FAM13A: variants seen among roughly 807,000 people sequenced by gnomAD.
FAM13A encodes the protein protein FAM13A.
Under a neutral mutation model 129.6 loss-of-function variants are expected in FAM13A, and 76 were observed. The ratio of observed to expected loss-of-function variants is 0.59; its 90% confidence interval spans 0.49 to 0.71. The LOEUF (loss-of-function observed/expected upper bound fraction) is 0.71. Ranked by LOEUF, FAM13A falls within the 30% of genes least tolerant of loss-of-function variation. FAM13A has a pLI of 0.00. For missense variants in FAM13A, 1,108 were observed against 1,249.3 expected, an observed-to-expected ratio of 0.89 and a Z score of 1.70; for synonymous variants, 443 against 449.9, an observed-to-expected ratio of 0.98 and a Z score of 0.20.
chr4:88,758,834 G>T lies in FAM13A; in HGVS notation c.1646C>A (p.Ala549Asp), dbSNP rs1744230025. ...GACAAAGCTCTCCTCCTGGTCACCG[G>T]CATCTTGATTTCTCTGCTGTTTGGT... ...SDTKQQRNQDAGDQEESFVSE... is the reference protein window; with the variant it reads ...SDTKQQRNQDDGDQEESFVSE... The change falls in exon 14 of 24, where the codon GCC becomes GAC. Residue 549 changes from alanine to aspartate, a missense_variant. Physicochemically the swap from Ala to Asp is moderately radical, Grantham distance 126 (BLOSUM62 -2). Transcript: ENST00000264344. 1 of 1,613,818 alleles carries T rather than the reference G, an allele frequency of 6.2e-7. No individual in the cohort carries two copies. Among genetic ancestry groups the T allele is most frequent in the Admixed American group, 1.7e-5 (1 of 59,990 alleles).
intron 21 of FAM13A, among the ~76,000 whole-genome samples, chr4:88,736,819 C>T (rs1431019888): frequency 6.6e-6 from 1 of 152,012 alleles, no homozygotes; most frequent in African/African-American, 2.4e-5. Context: ...AAAATCAGGA[C>T]ATATGTTCTG....
At chr4:88,791,828 C>T (rs1202439369) in intron 8 of FAM13A, among the ~76,000 whole-genome samples, 1 of 152,028 alleles carries the variant, frequency 6.6e-6, no homozygotes, top group African/African-American at 2.4e-5. Context: ...AATCTCAAGG[C>T]CTCAAGGGAC....
chr4:88,809,473 C>G (rs1009183566), intron 7 of FAM13A, among the ~76,000 whole-genome samples: 3 of 151,872 alleles, frequency 2.0e-5, no homozygotes, highest in Non-Finnish European at 2.9e-5. Context: ...GAATTCGGTC[C>G]CATTCATTGA....
chr4:88,925,455 AC>A (rs913128575), intron 5 of FAM13A, among the ~76,000 whole-genome samples: 23 of 151,612 alleles, frequency 1.5e-4, no homozygotes, highest in African/African-American at 5.3e-4. Flanking sequence ...TATCGCAAGG[AC>A]AAAAAACCAA....
At chr4:88,812,549 A>C (rs552624418) in intron 7 of FAM13A, among the ~76,000 whole-genome samples, 1 of 151,690 alleles carries the variant, frequency 6.6e-6, no homozygotes, top group South Asian at 2.1e-4. Flanking sequence ...TCCTTTCTCC[A>C]CCTCTCTCTG....
At position 88,962,299 on chromosome 4, in the gene FAM13A, C is replaced by CA. The variant is rs1432756425; in HGVS notation, c.606-24059dup. Among the ~76,000 whole-genome samples, 71 of 151,638 alleles carry CA rather than the reference C, an allele frequency of 4.7e-4. 1 individual carries two copies. Among genetic ancestry groups the CA allele is most frequent in the Admixed American group, 4.3e-3 (65 of 15,216 alleles). ...TAATACAAATTACTTAAATATTTCA[C>CA]AAAAAAAGAGAAGGAAAGGATGAAC... is the stretch of plus-strand genomic sequence containing the variant. On this transcript the variant is annotated intron_variant, in intron 4 of 23. Transcript: ENST00000264344.
At chr4:88,744,719 T>C (rs1340552667) in intron 19 of FAM13A, among the ~76,000 whole-genome samples, 1 of 152,210 alleles carries the variant, frequency 6.6e-6, no homozygotes, top group Non-Finnish European at 1.5e-5. Context: ...AATCTAAGAA[T>C]TAAAAGTTGA....
chr4:89,033,538 A>T (rs1053427789), intron 1 of FAM13A, among the ~76,000 whole-genome samples: 2 of 152,228 alleles, frequency 1.3e-5, no homozygotes, highest in South Asian at 2.1e-4. Flanking sequence ...TGCTGTAAAG[A>T]TAAGTGCACT....
At chr4:89,056,872 G>A (rs555279414) in intron 1 of FAM13A, 66 bp downstream of exon 1, 1 of 1,464,264 alleles carries the variant, frequency 6.8e-7, no homozygotes, top group African/African-American at 1.4e-5. Context: ...ATCAAAACAA[G>A]GAAGGCAAGG....
At chr4:88,789,539 T>A (rs555047145) in intron 9 of FAM13A, among the ~76,000 whole-genome samples, 2 of 152,278 alleles carry the variant, frequency 1.3e-5, no homozygotes, top group South Asian at 4.1e-4. Flanking sequence ...TGGAAACATA[T>A]GTGAGCAAGG....
At chr4:88,805,555 A>C (rs1728387549) in intron 7 of FAM13A, among the ~76,000 whole-genome samples, 1 of 152,166 alleles carries the variant, frequency 6.6e-6, no homozygotes, top group African/African-American at 2.4e-5. Flanking sequence ...TTCTGTAGTT[A>C]CTCTACTAAG....
intron 2 of FAM13A, among the ~76,000 whole-genome samples, chr4:89,024,102 T>C (rs554540801): frequency 5.7e-4 from 87 of 152,346 alleles, no homozygotes; most frequent in African/African-American, 2.0e-3. Flanking sequence ...CACTGAAAGA[T>C]ACTTTTCTGT....
intron 4 of FAM13A, chr4:88,990,066 C>T (rs1232035446): frequency 6.6e-6 from 1 of 152,150 alleles, no homozygotes; most frequent in African/African-American, 2.4e-5. Flanking sequence ...AATGCCATTA[C>T]TTAAAAGTTA....
At chr4:88,817,356 A>C (rs1730958999) in intron 7 of FAM13A, among the ~76,000 whole-genome samples, 1 of 152,122 alleles carries the variant, frequency 6.6e-6, no homozygotes, top group Non-Finnish European at 1.5e-5. Context: ...TGAGGTCAGG[A>C]GTTTGAGACT....
At chr4:88,900,339 T>C (rs1747086068) in intron 6 of FAM13A, among the ~76,000 whole-genome samples, 1 of 151,820 alleles carries the variant, frequency 6.6e-6, no homozygotes, top group Non-Finnish European at 1.5e-5. Flanking sequence ...CCAAGACACA[T>C]AATCATCAGA....
chr4:88,990,139 G>T (rs2149017821), intron 4 of FAM13A: 1 of 152,250 alleles, frequency 6.6e-6, no homozygotes, highest in African/African-American at 2.4e-5. Context: ...ATTAGGCTGT[G>T]AATGACCTGG....
intron 1 of FAM13A, among the ~76,000 whole-genome samples, chr4:89,051,694 A>G (rs530991827): frequency 1.3e-5 from 2 of 152,324 alleles, no homozygotes; most frequent in Non-Finnish European, 1.5e-5. Context: ...AAATCAAACC[A>G]GTTACGTGCT....
At chr4:88,973,654 C>T (rs77349549) in intron 4 of FAM13A, among the ~76,000 whole-genome samples, 2 of 152,202 alleles carry the variant, frequency 1.3e-5, no homozygotes, top group Non-Finnish European at 2.9e-5. Flanking sequence ...TTGATGCTTG[C>T]TCTGCCACTT....
intron 6 of FAM13A, among the ~76,000 whole-genome samples, chr4:88,874,358 T>C (rs1741992160): frequency 6.6e-6 from 1 of 152,220 alleles, no homozygotes; most frequent in Admixed American, 6.5e-5. Context: ...GTGTCTCTGT[T>C]TGCAGATGAC....
Sources: allele counts gnomAD v4.1 joint callset (sites outside exome capture counted in the v4.1 genomes callset), GRCh38; gene constraint gnomAD v4.1.1; transcripts MANE v1.5; gene names NCBI Gene and HGNC (gene_info 2026-07-23, HGNC 2026-07-21).